Variants in DHRSX observed in about 807,000 individuals in gnomAD.
DHRSX encodes polyprenol dehydrogenase.
In DHRSX, 31 loss-of-function variants were observed where a neutral mutation model predicts 34.0. The ratio of observed to expected loss-of-function variants is 0.91; its 90% CI spans 0.69 to 1.23. The LOEUF (loss-of-function observed/expected upper bound fraction) is 1.23, where lower values mean the gene tolerates loss of function less well. Among genes scored for constraint, DHRSX ranks in the 50% most tolerant of loss-of-function variants. The pLI is 0.00. For missense variants in DHRSX, 414 were observed against 428.1 expected, an observed-to-expected ratio of 0.97 and a Z score of 0.29; for synonymous variants, 201 against 183.8, an observed-to-expected ratio of 1.09 and a Z score of -0.76.
intron 3 of DHRSX, among the ~76,000 whole-genome samples, chrX:2,298,616 A>ACACACACACACACACGCG (rs1556457302): frequency 7.2e-6 from 1 of 138,374 alleles, no homozygotes; most frequent in African/African-American, 3.3e-5. Context: ...ACACACACAC[A>ACACACACACACACACGCG]CACACACACA....
rs755633697 is a variant in DHRSX at position 2,496,022 on chromosome X, A to C, written c.109+4795T>G. On this transcript the variant is annotated intron_variant, in intron 1 of 6. Coordinates refer to ENST00000334651, the MANE Select transcript of DHRSX (RefSeq NM_145177.3). ...TCCCTAGGTTTTTGTTATTTTGGAA[A>C]TGACAATCATTTTTCTTTTAAAAAA... 1.1e-4 allele frequency among the ~76,000 whole-genome samples: 17 copies of C among 152,300 alleles called. No homozygotes were observed. In the South Asian group the frequency reaches 3.3e-3, roughly 30 times the overall value.
chrX:2,224,899 GCACA>G (rs67258869), intron 6 of DHRSX, among the ~76,000 whole-genome samples: 15 of 145,214 alleles, frequency 1.0e-4, no homozygotes, highest in Middle Eastern at 4.0e-3. Context: ...GCTCACACTC[GCACA>G]CACACACGTA....
intron 1 of DHRSX, among the ~76,000 whole-genome samples, chrX:2,443,715 A>T (rs780333743): frequency 1.3e-5 from 2 of 152,296 alleles, no homozygotes; most frequent in South Asian, 4.1e-4. Flanking sequence ...GGTAAAAAAA[A>T]GAGCCAATGG....
chrX:2,382,819 CCAT>C (rs1407796394), intron 3 of DHRSX, among the ~76,000 whole-genome samples: 3 of 70,750 alleles, frequency 4.2e-5, no homozygotes, highest in East Asian at 4.4e-4. Flanking sequence ...GTCATCACCA[CCAT>C]CATCACCATC....
At chrX:2,246,021 CA>C (rs1175699651) in intron 5 of DHRSX, among the ~76,000 whole-genome samples, 1 of 150,832 alleles carries the variant, frequency 6.6e-6, no homozygotes, top group Non-Finnish European at 1.5e-5. Context: ...GTGACCTGAC[CA>C]CGTTGCACAC....
intron 1 of DHRSX, among the ~76,000 whole-genome samples, chrX:2,431,065 C>T (rs2089147239): frequency 1.3e-5 from 2 of 151,444 alleles, no homozygotes; most frequent in African/African-American, 2.4e-5. Flanking sequence ...GTGGCTCATG[C>T]CTGTAATCCC....
At chrX:2,490,880 G>A in intron 1 of DHRSX, 1 of 990,310 alleles carries the variant, frequency 1.0e-6, no homozygotes, top group East Asian at 2.4e-5. Context: ...TCAACCAAAG[G>A]GCACTGGGGC....
chrX:2,371,445 C>T (rs867228903), intron 3 of DHRSX, among the ~76,000 whole-genome samples: 1,665 of 81,464 alleles, frequency 0.02, 48 homozygotes, highest in African/African-American at 0.071. Context: ...ACCCTCCTTT[C>T]GTTACTATAG....
intron 3 of DHRSX, among the ~76,000 whole-genome samples, chrX:2,393,641 A>AAGACACC (rs1259284361): frequency 0.038 from 1,577 of 41,996 alleles, no homozygotes; most frequent in African/African-American, 0.048. Context: ...CACACGACAC[A>AAGACACC]CAGGGACCTC....
intron 1 of DHRSX, among the ~76,000 whole-genome samples, chrX:2,461,979 C>T (rs1450812072): frequency 6.6e-6 from 1 of 152,124 alleles, no homozygotes; most frequent in Non-Finnish European, 1.5e-5. Flanking sequence ...TGAGAGCCAC[C>T]GCGGCTGGCC....
At chrX:2,334,783 A>G (rs1407598503) in intron 3 of DHRSX, 1 of 152,134 alleles carries the variant, frequency 6.6e-6, no homozygotes, top group Admixed American at 6.6e-5. Context: ...GTATTTTTGA[A>G]TAAGGGACTC....
At chrX:2,495,510 G>A (rs2045260297) in intron 1 of DHRSX, among the ~76,000 whole-genome samples, 1 of 152,118 alleles carries the variant, frequency 6.6e-6, no homozygotes, top group Non-Finnish European at 1.5e-5. Context: ...CCTGGAAGGA[G>A]AAACAAGAAG....
intron 3 of DHRSX, among the ~76,000 whole-genome samples, chrX:2,400,936 C>T (rs1254322059): frequency 6.6e-6 from 1 of 152,212 alleles, no homozygotes; most frequent in East Asian, 1.9e-4. Flanking sequence ...CCCAAGGCGG[C>T]GTGCAAAATT....
At chrX:2,361,738 G>A (rs1470513315) in intron 3 of DHRSX, among the ~76,000 whole-genome samples, 1 of 152,102 alleles carries the variant, frequency 6.6e-6, no homozygotes, top group Non-Finnish European at 1.5e-5. Flanking sequence ...TACAGAACAT[G>A]GCATGATTCA....
At chrX:2,256,425 A>C (rs1488238799) in intron 5 of DHRSX, among the ~76,000 whole-genome samples, 3 of 151,536 alleles carry the variant, frequency 2.0e-5, no homozygotes, top group South Asian at 4.2e-4. Context: ...CCTCCAAAGC[A>C]GCTGAGATTA....
chrX:2,431,326 C>CAAAAA (rs748686139), intron 1 of DHRSX, among the ~76,000 whole-genome samples: 1 of 124,208 alleles, frequency 8.1e-6, no homozygotes, highest in African/African-American at 3.0e-5. Context: ...CTCCATCTCA[C>CAAAAA]AAAAAAAAAA....
chrX:2,334,169 G>GTTTTTTTTTTTTTTTT (rs1326915674), intron 3 of DHRSX: 2 of 40,178 alleles, frequency 5.0e-5, no homozygotes, highest in Admixed American at 2.0e-4. Flanking sequence ...TCAAAAGTAT[G>GTTTTTTTTTTTTTTTT]CTTTTTTTTT....
At chrX:2,328,434 C>T (rs1457133942) in intron 3 of DHRSX, among the ~76,000 whole-genome samples, 1 of 151,804 alleles carries the variant, frequency 6.6e-6, no homozygotes, top group African/African-American at 2.4e-5. Flanking sequence ...ACCAGCCCTG[C>T]CCATACCTGG....
chrX:2,361,135 G>C (rs991299764), intron 3 of DHRSX, among the ~76,000 whole-genome samples: 5 of 152,006 alleles, frequency 3.3e-5, no homozygotes, highest in Admixed American at 6.6e-5. Context: ...TTGTGAGATG[G>C]AGTTTTCACT....
Sources: gnomAD v4.1 joint callset for allele counts (sites outside exome capture counted in the v4.1 genomes callset) on GRCh38, gnomAD v4.1.1 for gene constraint, MANE v1.5 for transcripts, NCBI Gene and HGNC (gene_info 2026-07-23, HGNC 2026-07-21) for gene names.